The following PRKAR1A variants were observed in gnomAD, a reference collection of about 807,000 sequenced individuals.
PRKAR1A encodes cAMP-dependent protein kinase type I-alpha regulatory subunit.
PRKAR1A carries 3 observed loss-of-function variants against 52.0 expected under a neutral mutation model. The ratio of observed to expected loss-of-function variants is 0.06; its 90% CI spans 0.03 to 0.15. PRKAR1A has a LOEUF of 0.15. Ranked by LOEUF, PRKAR1A falls within the 10% of genes least tolerant of loss-of-function variation. PRKAR1A has a pLI of 1.00. For missense variants in PRKAR1A, 240 were observed against 477.4 expected (o/e 0.50, Z 4.63); for synonymous variants, 188 against 168.4 (o/e 1.12, Z -0.90).
chr17:68,463,589 G>A, the PRKAR1A span, among the ~76,000 whole-genome samples: 2 of 152,210 alleles, frequency 1.3e-5, no homozygotes, highest in Non-Finnish European at 2.9e-5. Flanking sequence ...GAAATGTATA[G>A]CAGTGAAAGT....
the PRKAR1A span, among the ~76,000 whole-genome samples, chr17:68,443,601 G>C: frequency 6.6e-6 from 1 of 152,150 alleles, no homozygotes; most frequent in African/African-American, 2.4e-5. Flanking sequence ...CTGGGAGATG[G>C]GTATTATTCA....
At chr17:68,542,731 C>T (rs757896082) in intron 11 of PRKAR1A, 12 of 1,614,042 alleles carry the variant, frequency 7.4e-6, no homozygotes, top group Middle Eastern at 1.6e-4. Context: ...GGATTTCATT[C>T]TTGGTGACCT....
chr17:68,502,755 GAAAAAAAAAAAAA>G, the PRKAR1A span, among the ~76,000 whole-genome samples: 3 of 86,314 alleles, frequency 3.5e-5, no homozygotes, highest in African/African-American at 9.0e-5. Flanking sequence ...TTCATCTCAG[GAAAAAAAAAAAAA>G]AAAAAAAAAA....
rs1342160694 is a variant in PRKAR1A at position 68,523,811 on chromosome 17, G to A, written c.435G>A (p.Glu145=). Residue 145 remains glutamate (E), a synonymous_variant, in exon 4 of 11, where the codon GAG becomes GAA. Coordinates refer to ENST00000589228, the MANE Select transcript of PRKAR1A (RefSeq NM_002734.5). The stretch of plus-strand genomic sequence containing the variant: ...TGTTTTCACATCTTGATGATAATGA[G>A]AGAAGGTAGGAACAGGCTCTTTCTT... ...NVLFSHLDDN[E]RSDIFDAMFS... 6.2e-7 allele frequency: 1 copy of A among 1,613,478 alleles called. No homozygotes were observed. Among genetic ancestry groups the A allele is most frequent in the Admixed American group, 1.7e-5 (1 of 60,024 alleles).
chr17:68,519,140 T>C (rs114961083), intron 2 of PRKAR1A, among the ~76,000 whole-genome samples: 4,553 of 152,306 alleles, frequency 0.03, 212 homozygotes, highest in African/African-American at 0.1. Context: ...TCCACCCTCT[T>C]CCTGTTACCC....
At chr17:68,457,846 C>T in the PRKAR1A span, among the ~76,000 whole-genome samples, 4 of 152,264 alleles carry the variant, frequency 2.6e-5, no homozygotes, top group East Asian at 7.7e-4. Flanking sequence ...GGCAGCAGGC[C>T]CACGTGGCGG....
chr17:68,482,156 T>A, the PRKAR1A span, among the ~76,000 whole-genome samples: 1 of 152,174 alleles, frequency 6.6e-6, no homozygotes, highest in Non-Finnish European at 1.5e-5. Context: ...TTTTGAAAGA[T>A]GAGTGGCGGT....
chr17:68,508,341 A>C (rs1568682275), upstream of PRKAR1A, among the ~76,000 whole-genome samples: 1 of 152,252 alleles, frequency 6.6e-6, no homozygotes, highest in East Asian at 1.9e-4. Context: ...ACCATGGAAT[A>C]CTATTCAGTG....
chr17:68,523,415 T>C (rs77869674), intron 3 of PRKAR1A, among the ~76,000 whole-genome samples: 4,333 of 152,304 alleles, frequency 0.028, 180 homozygotes, highest in African/African-American at 0.099. Flanking sequence ...CTAATTATTA[T>C]AAAATACTTA....
the PRKAR1A span, among the ~76,000 whole-genome samples, chr17:68,444,303 C>T: frequency 1.3e-5 from 2 of 152,188 alleles, no homozygotes; most frequent in Non-Finnish European, 2.9e-5. Context: ...GGCACACAGC[C>T]CCCCTGCAGG....
In PRKAR1A at chr17:68,530,345, G is replaced by A. The variant is rs772571340; in HGVS notation, c.1042G>A (p.Val348Ile). Residue 348 changes from valine to isoleucine, a missense_variant, in exon 11 of 11, where the codon GTT (valine) becomes ATT (isoleucine). Transcript: ENST00000589228. ...TGTTGCTCGTGGCCCCTTGAAGTGC[G>A]TTAAGCTGGACCGACCTAGATTTGA... ...TVVARGPLKC[V>I]KLDRPRFERV... is the part of the protein sequence containing the mutation. 4.1e-5 allele frequency: 66 copies of A among 1,613,958 alleles called. No individual in the cohort carries two copies. Among genetic ancestry groups the A allele is most frequent in the Non-Finnish European group, 5.3e-5 (62 of 1,179,982 alleles).
Position 68,531,410 on chromosome 17 carries a change from T to C in PRKAR1A, c.*961T>C. On this transcript the variant is annotated 3_prime_UTR_variant, in exon 11 of 11. Transcript: ENST00000589228. ...GGAGATTGGATTTGCTGTGACTAGA[T>C]ACAGATGGAGCAAATGTCCTAACAG... is the stretch of plus-strand genomic sequence containing the variant. 1 of 1,065,938 alleles carries C rather than the reference T, an allele frequency of 9.4e-7. No individual in the cohort carries two copies. The highest frequency in any genetic ancestry group is 1.1e-6 in the Non-Finnish European group (1 of 879,548). 66.0% of individuals were successfully genotyped at this position (1,065,938 alleles called of 1,614,324 possible).
chr17:68,541,478 A>G (rs569778729), intron 11 of PRKAR1A: 31 of 189,778 alleles, frequency 1.6e-4, no homozygotes, highest in African/African-American at 7.3e-4. Flanking sequence ...TTTTCCCACG[A>G]TGATCATGAC....
At chr17:68,444,618 C>T in the PRKAR1A span, 15 of 1,583,146 alleles carry the variant, frequency 9.5e-6, no homozygotes, top group South Asian at 4.5e-5. Context: ...ATCAGTCTAC[C>T]GAACCGTTCC....
chr17:68,471,591 G>C, the PRKAR1A span, among the ~76,000 whole-genome samples: 2 of 151,842 alleles, frequency 1.3e-5, no homozygotes, highest in Non-Finnish European at 2.9e-5. Flanking sequence ...TTTCCGTTCC[G>C]TCTCTCTCTC....
chr17:68,550,940 T>C, intron 11 of PRKAR1A: 1 of 584,094 alleles, frequency 1.7e-6, no homozygotes, highest in Non-Finnish European at 2.5e-6. Context: ...AACCATCTAC[T>C]GGGGCTCTCA....
chr17:68,467,008 A>G, the PRKAR1A span, among the ~76,000 whole-genome samples: 2 of 152,224 alleles, frequency 1.3e-5, no homozygotes, highest in Admixed American at 6.5e-5. Flanking sequence ...TATAAATGGA[A>G]TCACACAATA....
the PRKAR1A span, chr17:68,457,439 AAGCCG>A: frequency 6.7e-5 from 28 of 416,340 alleles, 1 homozygote; most frequent in South Asian, 1.2e-3. Flanking sequence ...TCGGCCCGGG[AAGCCG>A]CAGCTCGGAG....
chr17:68,534,549 CTTTTT>C (rs2086052216), downstream of PRKAR1A, among the ~76,000 whole-genome samples: 1 of 106,126 alleles, frequency 9.4e-6, no homozygotes, highest in Non-Finnish European at 2.0e-5. Flanking sequence ...TTTCTTGGGT[CTTTTT>C]AGTGCCTTTT....
Sources: gnomAD v4.1 joint callset for allele counts (sites outside exome capture counted in the v4.1 genomes callset) on GRCh38, gnomAD v4.1.1 for gene constraint, MANE v1.5 for transcripts, NCBI Gene and HGNC (gene_info 2026-07-23, HGNC 2026-07-21) for gene names.